The following CELF4 variants were observed in gnomAD, a reference collection of about 807,000 sequenced individuals.
The protein encoded by CELF4 is CUG-BP- and ETR-3-like factor 4.
CELF4 carries 18 observed loss-of-function variants against 59.9 expected under a neutral mutation model. The observed-to-expected ratio is 0.30, with a 90% CI of 0.21 to 0.45. CELF4 has a LOEUF of 0.45. CELF4 is among the 20% of genes least tolerant of loss of function. The pLI, the probability that CELF4 is intolerant of heterozygous loss-of-function variation, is 1.00. For missense variants in CELF4, 456 were observed against 689.0 expected (o/e 0.66, Z 3.79); for synonymous variants, 261 against 267.1 (o/e 0.98, Z 0.22).
At chr18:37,496,801 G>A (rs767321280) in intron 1 of CELF4, among the ~76,000 whole-genome samples, 4 of 152,172 alleles carry the variant, frequency 2.6e-5, no homozygotes, top group Non-Finnish European at 5.9e-5. Flanking sequence ...CATCAATACG[G>A]TAAGTTCAAT....
intron 1 of CELF4, among the ~76,000 whole-genome samples, chr18:37,504,835 A>T (rs1187777249): frequency 1.1e-4 from 17 of 152,164 alleles, no homozygotes; most frequent in Non-Finnish European, 4.4e-5. Context: ...GGAATTATGG[A>T]TCTAATTTGG....
At chr18:37,337,865 C>A (rs1276734765) in intron 2 of CELF4, among the ~76,000 whole-genome samples, 1 of 152,212 alleles carries the variant, frequency 6.6e-6, no homozygotes, top group Non-Finnish European at 1.5e-5. Flanking sequence ...AGTTGTGAAG[C>A]AGAAACAAGT....
chr18:37,473,964 G>C (rs1010585410), intron 2 of CELF4: 1 of 152,256 alleles, frequency 6.6e-6, no homozygotes, highest in African/African-American at 2.4e-5. Context: ...GTCTCCTGGA[G>C]AGGGGACCTC....
At chr18:37,501,355 A>G (rs368105510) in intron 1 of CELF4, among the ~76,000 whole-genome samples, 1 of 152,340 alleles carries the variant, frequency 6.6e-6, no homozygotes, top group East Asian at 1.9e-4. Flanking sequence ...TCTTGCTTCT[A>G]CTTGTTCTTC....
At chr18:37,522,203 C>T (rs988272197) in intron 1 of CELF4, among the ~76,000 whole-genome samples, 3 of 152,156 alleles carry the variant, frequency 2.0e-5, no homozygotes, top group Admixed American at 2.0e-4. Context: ...AAATGAGTCC[C>T]ACCTCCTCCT....
chr18:37,277,834 T>C (rs2093573567), intron 3 of CELF4, among the ~76,000 whole-genome samples: 1 of 152,054 alleles, frequency 6.6e-6, no homozygotes, highest in Non-Finnish European at 1.5e-5. Context: ...GACTTAGAAA[T>C]GGAACCCCGC....
At chr18:37,504,519 G>T (rs2099935480) in intron 1 of CELF4, among the ~76,000 whole-genome samples, 2 of 151,396 alleles carry the variant, frequency 1.3e-5, no homozygotes, top group African/African-American at 4.9e-5. Context: ...TTTAGCATGT[G>T]ATTTGGGGCA....
chr18:37,272,813 A>C (rs995570116), intron 7 of CELF4, among the ~76,000 whole-genome samples: 2 of 152,240 alleles, frequency 1.3e-5, no homozygotes, highest in African/African-American at 2.4e-5. Flanking sequence ...GGTAGACTGC[A>C]TGGGTCCCAT....
In CELF4 at chr18:37,292,444, G is replaced by A. The variant is rs1026217674; in HGVS notation, c.449-17201C>T. ...GAGACCTTCCTGGGGCCCTTAAATC[G>A]CCCCACAGAAGTGCCCACTCATTCA... On this transcript the variant is annotated intron_variant, in intron 3 of 12. Coordinates refer to ENST00000420428, the MANE Select transcript of CELF4 (RefSeq NM_020180.4). Among the ~76,000 whole-genome samples the A allele has an allele frequency of 3.9e-5, 6 of 152,112 alleles. No individual in the cohort carries two copies. The East Asian group carries it at 5.8e-4, about 15-fold the overall frequency.
chr18:37,564,304 T>G (rs567382681), intron 1 of CELF4, among the ~76,000 whole-genome samples: 1 of 152,254 alleles, frequency 6.6e-6, no homozygotes, highest in African/African-American at 2.4e-5. Context: ...AGCGGAGCAC[T>G]GGGCTAATTT....
intron 1 of CELF4, among the ~76,000 whole-genome samples, chr18:37,560,056 G>T (rs534540508): frequency 6.6e-6 from 1 of 152,304 alleles, no homozygotes; most frequent in Admixed American, 6.5e-5. Context: ...ATTGGAGCAG[G>T]TGATGAAGGG....
chr18:37,285,201 C>T (rs2094611755), intron 3 of CELF4, among the ~76,000 whole-genome samples: 1 of 152,228 alleles, frequency 6.6e-6, no homozygotes, highest in Non-Finnish European at 1.5e-5. Context: ...CTCCCCAGTC[C>T]TGCCCATCCC....
Position 37,274,792 on chromosome 18 carries a change from G to T in CELF4, c.657+13C>A. The T allele has an allele frequency of 6.3e-7, 1 of 1,578,810 alleles. No individual in the cohort carries two copies. Among genetic ancestry groups the T allele is most frequent in the Non-Finnish European group, 8.6e-7 (1 of 1,165,192 alleles). On this transcript the variant is annotated intron_variant, in intron 5 of 12. Coordinates refer to ENST00000420428, the MANE Select transcript of CELF4 (RefSeq NM_020180.4). ...CGCTGCCCTCGCCCCCGCCCCAAGG[G>T]GCCAGCACTCACCGGCATGGTCTGG...
rs2077705121 is a variant in CELF4 at position 37,266,618 on chromosome 18, C to G, written c.1100-20G>C. Reference sequence around the variant, plus strand: ...TCTGTGCTGTAGGGAGCCAAGGGGACAGAGGTCAGCAGTGCCCACCACACT... The same window carrying G: ...TCTGTGCTGTAGGGAGCCAAGGGGAGAGAGGTCAGCAGTGCCCACCACACT... On this transcript the variant is annotated intron_variant, in intron 8 of 12. Coordinates refer to ENST00000420428, the MANE Select transcript of CELF4 (RefSeq NM_020180.4). 6.4e-7 allele frequency: 1 copy of G among 1,565,092 alleles called. No individual in the cohort carries two copies. The highest frequency in any genetic ancestry group is 2.3e-5 in the East Asian group (1 of 43,140).
At chr18:37,509,726 C>A (rs143859879) in intron 1 of CELF4, among the ~76,000 whole-genome samples, 2,356 of 152,302 alleles carry the variant, frequency 0.015, 37 homozygotes, top group Non-Finnish European at 0.02. Context: ...TTCTCAGCAA[C>A]AGTATTCACA....
chr18:37,419,491 G>T lies in CELF4; in HGVS notation c.369+66034C>A, dbSNP rs1471613979. On this transcript the variant is annotated intron_variant, in intron 2 of 12. Coordinates refer to ENST00000420428, the MANE Select transcript of CELF4 (RefSeq NM_020180.4). ...TAGGAATGTTGGGAGATGGAATGTT[G>T]TCAGGCCTGGGAACTGGCATCGGAC... Among the ~76,000 whole-genome samples, 7 of 152,290 alleles carry T rather than the reference G, an allele frequency of 4.6e-5. 1 individual carries two copies. The Middle Eastern group carries it at 0.014, about 296-fold the overall frequency.
rs1256110078 is a variant in CELF4 at position 37,321,846 on chromosome 18, G to T, written c.405C>A (p.Ser135Arg). The change falls in exon 3 of 13, where the codon AGC becomes AGA. Residue 135 changes from serine (S) to arginine (R), a missense_variant. Transcript: ENST00000420428. ...GGCAGCTACTACCTCCTCGGCTCTC[G>T]CTGTCCGCAGGCTTCACCTGGATCG... Reference protein sequence around the residue: ...NRPIQVKPADSESRGGSSCLR... With the variant: ...NRPIQVKPADRESRGGSSCLR... 4 of 1,613,212 alleles carry T rather than the reference G, an allele frequency of 2.5e-6. No homozygotes were observed. Among genetic ancestry groups the T allele is most frequent in the Non-Finnish European group, 2.5e-6 (3 of 1,179,636 alleles).
chr18:37,496,362 C>A (rs1275886388), intron 1 of CELF4, among the ~76,000 whole-genome samples: 1 of 152,164 alleles, frequency 6.6e-6, no homozygotes, highest in Non-Finnish European at 1.5e-5. Flanking sequence ...TTGAGCTGAA[C>A]AAAATTCAGG....
intron 1 of CELF4, among the ~76,000 whole-genome samples, chr18:37,521,153 T>C (rs2099956941): frequency 6.6e-6 from 1 of 152,172 alleles, no homozygotes; most frequent in Admixed American, 6.5e-5. Context: ...GCCAAGTGAC[T>C]GTGGCCCTAT....
Sources: allele counts gnomAD v4.1 joint callset (sites outside exome capture counted in the v4.1 genomes callset), GRCh38; gene constraint gnomAD v4.1.1; transcripts MANE v1.5; gene names NCBI Gene and HGNC (gene_info 2026-07-23, HGNC 2026-07-21).